Variants in OCA2 observed in about 807,000 individuals in gnomAD.
OCA2 encodes the protein OCA2 melanosomal transmembrane protein.
A neutral mutation model predicts 100.2 loss-of-function variants in OCA2; 77 were observed. The observed-to-expected ratio is 0.77, with a 90% CI of 0.64 to 0.93. OCA2 has a LOEUF of 0.93. Among genes scored for constraint, OCA2 ranks in the 40% least tolerant of loss-of-function variants. OCA2 has a pLI of 0.00. For missense variants in OCA2, 1,062 were observed against 1,089.1 expected (o/e 0.98, Z 0.35); for synonymous variants, 432 against 439.2 (o/e 0.98, Z 0.21).
chr15:27,929,208 T>A (rs1034374040), intron 18 of OCA2, among the ~76,000 whole-genome samples: 3 of 151,624 alleles, frequency 2.0e-5, no homozygotes, highest in African/African-American at 7.3e-5. Context: ...TATAAAAAAA[T>A]AAAAAAGAAC....
intron 19 of OCA2, among the ~76,000 whole-genome samples, chr15:27,879,055 T>C (rs1403636853): frequency 6.6e-6 from 1 of 152,084 alleles, no homozygotes; most frequent in Non-Finnish European, 1.5e-5. Flanking sequence ...CCCCTCCCTC[T>C]ATCCATTGTT....
chr15:27,801,550 C>CAAAAAAAAAAAAAA (rs34636608), intron 23 of OCA2, among the ~76,000 whole-genome samples: 1 of 37,842 alleles, frequency 2.6e-5, no homozygotes, highest in Non-Finnish European at 6.2e-5. Context: ...GACTCGGTCT[C>CAAAAAAAAAAAAAA]AAAAAAAAAA....
At chr15:27,777,762 T>C (rs2032318978) in intron 23 of OCA2, among the ~76,000 whole-genome samples, 1 of 152,176 alleles carries the variant, frequency 6.6e-6, no homozygotes, top group Non-Finnish European at 1.5e-5. Context: ...CCTGGCCTGG[T>C]GGCTCAGAGG....
intron 3 of OCA2, among the ~76,000 whole-genome samples, chr15:28,029,198 G>A (rs371888946): frequency 6.6e-6 from 1 of 152,194 alleles, no homozygotes; most frequent in African/African-American, 2.4e-5. Flanking sequence ...ACTTATGACT[G>A]CTTTAGAAGT....
chr15:28,017,552 GC>G (rs537984828), intron 7 of OCA2, among the ~76,000 whole-genome samples: 5 of 152,314 alleles, frequency 3.3e-5, no homozygotes, highest in South Asian at 2.1e-4. Context: ...CCTGGCCAGG[GC>G]AGCCGGTTCA....
chr15:28,068,559 CAAG>C (rs907377994), intron 2 of OCA2, among the ~76,000 whole-genome samples: 2 of 152,184 alleles, frequency 1.3e-5, no homozygotes, highest in African/African-American at 4.8e-5. Flanking sequence ...TCCAAAAAAT[CAAG>C]AAGGAGGGGC....
chr15:27,719,643 A>G, the OCA2 span, among the ~76,000 whole-genome samples: 2 of 152,166 alleles, frequency 1.3e-5, no homozygotes, highest in Admixed American at 6.5e-5. Context: ...TGATCATTCT[A>G]TTGCTTGGTA....
chr15:27,732,896 A>G, the OCA2 span, among the ~76,000 whole-genome samples: 1 of 152,226 alleles, frequency 6.6e-6, no homozygotes, highest in Non-Finnish European at 1.5e-5. Flanking sequence ...GAAGAACTCA[A>G]TTTGATTGCC....
intron 15 of OCA2, among the ~76,000 whole-genome samples, chr15:27,961,431 C>T (rs1244209378): frequency 3.3e-5 from 5 of 152,164 alleles, no homozygotes; most frequent in Non-Finnish European, 7.3e-5. Context: ...CCATTTGACC[C>T]AGCAATCCCA....
intron 23 of OCA2, chr15:27,776,390 G>A (rs541841350): frequency 6.6e-6 from 1 of 152,328 alleles, no homozygotes; most frequent in South Asian, 2.1e-4. Context: ...CACACTTGCT[G>A]AGATGCTTCT....
rs367998375 is a variant in OCA2 at position 28,002,688 on chromosome 15, C to T, written c.1045-12041G>A. Among the ~76,000 whole-genome samples the T allele has an allele frequency of 3.3e-5, 5 of 152,214 alleles. No homozygotes were observed. In the East Asian group the frequency reaches 5.8e-4, roughly 18 times the overall value. ...CTGATGGGGTGGGCTCCAGGCCACGCGGGAGCCTCACAGGGCTGCGTCTGT... is the reference window on the plus strand; with the variant it reads ...CTGATGGGGTGGGCTCCAGGCCACGTGGGAGCCTCACAGGGCTGCGTCTGT... On this transcript the variant is annotated intron_variant, in intron 9 of 23. Transcript: ENST00000354638.
chr15:28,010,215 T>G (rs1054939995), intron 9 of OCA2, among the ~76,000 whole-genome samples: 1 of 152,054 alleles, frequency 6.6e-6, no homozygotes, highest in African/African-American at 2.4e-5. Flanking sequence ...AAAAAACCCC[T>G]CTTAGTACAT....
chr15:27,719,384 C>T, the OCA2 span, among the ~76,000 whole-genome samples: 2 of 152,136 alleles, frequency 1.3e-5, no homozygotes, highest in Admixed American at 6.6e-5. Flanking sequence ...CTCATTTAAC[C>T]TCAGTTACCT....
chr15:27,727,756 G>A, the OCA2 span, among the ~76,000 whole-genome samples: 4 of 152,118 alleles, frequency 2.6e-5, no homozygotes, highest in Admixed American at 1.3e-4. Flanking sequence ...GCCACACCAG[G>A]GCAGTGTCCT....
chr15:27,964,707 ACAC>A (rs1340525866), intron 15 of OCA2, among the ~76,000 whole-genome samples: 1 of 152,186 alleles, frequency 6.6e-6, no homozygotes, highest in Non-Finnish European at 1.5e-5. Context: ...AATGCTCTGT[ACAC>A]CACCACAGGC....
intron 2 of OCA2, among the ~76,000 whole-genome samples, chr15:28,047,523 G>A (rs2043382480): frequency 6.6e-6 from 1 of 152,162 alleles, no homozygotes; most frequent in Admixed American, 6.5e-5. Flanking sequence ...CACTTGTTAT[G>A]TCTTCCTGCC....
At chr15:28,040,146 C>T (rs560503775) in intron 2 of OCA2, among the ~76,000 whole-genome samples, 82 of 152,232 alleles carry the variant, frequency 5.4e-4, no homozygotes, top group African/African-American at 1.9e-3. Context: ...GGAGCCATTG[C>T]ATGCCAAGGA....
rs1437449255 is a variant in OCA2, at chr15:27,768,983, G to A, written c.2433-13511C>T. Among the ~76,000 whole-genome samples, 8 of 152,280 alleles carry A rather than the reference G, an allele frequency of 5.3e-5. No homozygotes were observed. In the South Asian group the frequency reaches 8.3e-4, roughly 16 times the overall value. On this transcript the variant is annotated intron_variant, in intron 23 of 23. Coordinates refer to ENST00000354638, the MANE Select transcript of OCA2 (RefSeq NM_000275.3). Reference sequence around the variant, plus strand: ...CAGAGGGAGATTTATTTGAAGAGAGGATGTTATGACTTCCTGTCGCTGCCA... The same window carrying A: ...CAGAGGGAGATTTATTTGAAGAGAGAATGTTATGACTTCCTGTCGCTGCCA...
At chr15:27,752,809 C>A (rs71414515), downstream of OCA2, among the ~76,000 whole-genome samples, 24 of 112,184 alleles carry the variant, frequency 2.1e-4, 1 homozygote, top group East Asian at 6.3e-4. Flanking sequence ...CACCCCCCCC[C>A]CCCCCCCAGA....
Sources: gnomAD v4.1 joint callset for allele counts (sites outside exome capture counted in the v4.1 genomes callset) on GRCh38, gnomAD v4.1.1 for gene constraint, MANE v1.5 for transcripts, NCBI Gene and HGNC (gene_info 2026-07-23, HGNC 2026-07-21) for gene names.